Variants in SGCZ observed in about 807,000 individuals in gnomAD.
SGCZ encodes the protein sarcoglycan zeta.
In SGCZ, 40 loss-of-function variants were observed where a neutral mutation model predicts 41.3. The observed-to-expected ratio is 0.97, with a 90% CI of 0.75 to 1.26. SGCZ has a LOEUF of 1.26. Ranked by LOEUF, SGCZ falls within the 50% of genes most tolerant of loss-of-function variation. The probability of loss-of-function intolerance (pLI) is 0.00; values close to 1 mark genes in which losing one functional copy is unlikely to be tolerated. For missense variants in SGCZ, 552 were observed against 369.8 expected, an observed-to-expected ratio of 1.49 and a Z score of -4.04; for synonymous variants, 206 against 137.5, an observed-to-expected ratio of 1.50 and a Z score of -3.49.
chr8:14,632,220 C>T (rs964142820), intron 1 of SGCZ, among the ~76,000 whole-genome samples: 1 of 151,762 alleles, frequency 6.6e-6, no homozygotes, highest in East Asian at 2.0e-4. Context: ...ACAAGGTCTC[C>T]CTATGTTGCC....
At chr8:14,884,691 G>A (rs990168050) in intron 1 of SGCZ, among the ~76,000 whole-genome samples, 1 of 151,928 alleles carries the variant, frequency 6.6e-6, no homozygotes, top group Admixed American at 6.6e-5. Flanking sequence ...TTTTAAGAAA[G>A]AAAAGGTAGA....
chr8:14,502,613 A>T (rs1365703645), intron 2 of SGCZ, among the ~76,000 whole-genome samples: 9 of 152,196 alleles, frequency 5.9e-5, no homozygotes, highest in Admixed American at 5.9e-4. Context: ...TTTACAAGAA[A>T]AAAAACAACC....
chr8:14,565,524 A>G (rs1332481285), intron 1 of SGCZ, among the ~76,000 whole-genome samples: 1 of 152,020 alleles, frequency 6.6e-6, no homozygotes, highest in Non-Finnish European at 1.5e-5. Flanking sequence ...CACCATTTAC[A>G]CTAAAATTGC....
intron 1 of SGCZ, among the ~76,000 whole-genome samples, chr8:14,899,750 T>A (rs992778591): frequency 5.4e-5 from 8 of 148,702 alleles, no homozygotes; most frequent in African/African-American, 2.0e-4. Flanking sequence ...TACCTCAAAA[T>A]GAGGATGGAA....
At chr8:14,761,970 C>G (rs1227669124) in intron 1 of SGCZ, among the ~76,000 whole-genome samples, 4 of 152,122 alleles carry the variant, frequency 2.6e-5, no homozygotes, top group Non-Finnish European at 4.4e-5. Context: ...ACATATGAGT[C>G]TCATGCTAAC....
intron 1 of SGCZ, among the ~76,000 whole-genome samples, chr8:15,224,260 C>A (rs139980754): frequency 2.9e-4 from 44 of 151,998 alleles, no homozygotes; most frequent in Non-Finnish European, 6.0e-4. Context: ...TCATAAAATA[C>A]CAACCTGGAT....
chr8:14,194,489 C>G lies in SGCZ; in HGVS notation c.425-29787G>C, dbSNP rs79910666. Among the ~76,000 whole-genome samples, 759 of 151,902 alleles carry G rather than the reference C, an allele frequency of 5.0e-3. 7 individuals are homozygous for G. Among genetic ancestry groups the G allele is most frequent in the African/African-American group, 0.017 (722 of 41,492 alleles). ...CTTCTCTCATTGTGGTCATACTTTG[C>G]TTGAGTATTCATTTATGTTTGGGAC... On this transcript the variant is annotated intron_variant, in intron 4 of 7. Transcript: ENST00000382080.
chr8:14,821,075 A>C (rs929174193), intron 1 of SGCZ, among the ~76,000 whole-genome samples: 2 of 152,060 alleles, frequency 1.3e-5, no homozygotes, highest in African/African-American at 4.8e-5. Context: ...GACAAACCTT[A>C]AGATAGACAA....
At chr8:14,265,905 G>A (rs1267773079) in intron 3 of SGCZ, among the ~76,000 whole-genome samples, 1 of 151,742 alleles carries the variant, frequency 6.6e-6, no homozygotes, top group Admixed American at 6.6e-5. Flanking sequence ...GTGAAGTCAG[G>A]GAGAGGAGAT....
intron 3 of SGCZ, among the ~76,000 whole-genome samples, chr8:14,298,996 A>G (rs1350272186): frequency 1.3e-5 from 2 of 152,094 alleles, no homozygotes; most frequent in African/African-American, 4.8e-5. Flanking sequence ...GTATAATGAA[A>G]GACATATAGG....
intron 1 of SGCZ, among the ~76,000 whole-genome samples, chr8:14,727,538 T>A (rs1486982897): frequency 2.7e-5 from 4 of 148,806 alleles, no homozygotes; most frequent in Non-Finnish European, 5.9e-5. Context: ...TGAGGTGGAG[T>A]CTCACTCTGT....
intron 2 of SGCZ, among the ~76,000 whole-genome samples, chr8:14,506,783 T>C (rs12386790): frequency 3.3e-5 from 5 of 152,234 alleles, no homozygotes; most frequent in Admixed American, 6.5e-5. Flanking sequence ...ACTTGACATA[T>C]GTGCATCTCT....
At chr8:14,449,163 C>T (rs1156735907) in intron 2 of SGCZ, among the ~76,000 whole-genome samples, 4 of 152,134 alleles carry the variant, frequency 2.6e-5, no homozygotes, top group African/African-American at 9.7e-5. Context: ...TTTTACCAAC[C>T]TTATCACATT....
At chr8:15,003,048 G>A (rs575068955) in intron 1 of SGCZ, among the ~76,000 whole-genome samples, 10 of 152,122 alleles carry the variant, frequency 6.6e-5, no homozygotes, top group East Asian at 1.9e-4. Flanking sequence ...ACTTTTCGCC[G>A]TGATTGTGAG....
chr8:14,672,658 T>C (rs1007355815), intron 1 of SGCZ, among the ~76,000 whole-genome samples: 1 of 152,110 alleles, frequency 6.6e-6, no homozygotes, highest in Non-Finnish European at 1.5e-5. Context: ...GGAAACAGTG[T>C]TTGAATGAAG....
intron 1 of SGCZ, among the ~76,000 whole-genome samples, chr8:14,775,762 A>T (rs2130414935): frequency 6.6e-6 from 1 of 152,328 alleles, no homozygotes; most frequent in East Asian, 1.9e-4. Context: ...TCAAAAAGGT[A>T]AAAATTTTGA....
At chr8:14,553,341 C>G (rs534453181) in intron 2 of SGCZ, among the ~76,000 whole-genome samples, 1 of 152,162 alleles carries the variant, frequency 6.6e-6, no homozygotes, top group African/African-American at 2.4e-5. Context: ...TCAACTCAAC[C>G]TCTAGCCACC....
chr8:14,338,111 C>A lies in SGCZ; in HGVS notation c.235-13907G>T, dbSNP rs143224819. 1.9e-3 allele frequency among the ~76,000 whole-genome samples: 283 copies of A among 152,286 alleles called. 1 individual carries two copies. Among genetic ancestry groups the A allele is most frequent in the African/African-American group, 6.7e-3 (278 of 41,562 alleles). ...TTACTGCAATAAAGAAGTCAAGATT[C>A]CTTGCCCAAGTTTGATCAGTTTTTG... is the stretch of plus-strand genomic sequence containing the variant. On this transcript the variant is annotated intron_variant, in intron 2 of 7. Coordinates refer to ENST00000382080, the MANE Select transcript of SGCZ (RefSeq NM_139167.4).
intron 1 of SGCZ, among the ~76,000 whole-genome samples, chr8:15,080,249 C>T (rs1484541802): frequency 6.6e-6 from 1 of 152,020 alleles, no homozygotes; most frequent in Non-Finnish European, 1.5e-5. Context: ...GTCTCCCTAG[C>T]CAGCTCCTTA....
Sources: gnomAD v4.1 joint callset for allele counts (sites outside exome capture counted in the v4.1 genomes callset) on GRCh38, gnomAD v4.1.1 for gene constraint, MANE v1.5 for transcripts, NCBI Gene and HGNC (gene_info 2026-07-23, HGNC 2026-07-21) for gene names.